SLC24A3: variants seen among roughly 807,000 people sequenced by gnomAD.
SLC24A3 encodes the protein sodium/potassium/calcium exchanger 3.
SLC24A3 carries 28 observed loss-of-function variants against 75.8 expected under a neutral mutation model. The observed-to-expected ratio is 0.37, with a 90% confidence interval of 0.27 to 0.51. The LOEUF is 0.51. Among genes scored for constraint, SLC24A3 ranks in the 20% least tolerant of loss-of-function variants. SLC24A3 has a pLI of 0.94. For missense variants in SLC24A3, 663 were observed against 847.8 expected, an observed-to-expected ratio of 0.78 and a Z score of 2.71; for synonymous variants, 372 against 334.1, an observed-to-expected ratio of 1.11 and a Z score of -1.24.
chr20:19,530,342 G>C (rs1378092931), intron 3 of SLC24A3, among the ~76,000 whole-genome samples: 1 of 152,170 alleles, frequency 6.6e-6, no homozygotes, highest in Non-Finnish European at 1.5e-5. Context: ...GAAATCAACT[G>C]AGTGCCGAGG....
At chr20:19,470,187 T>C (rs565020243) in intron 2 of SLC24A3, among the ~76,000 whole-genome samples, 45 of 152,328 alleles carry the variant, frequency 3.0e-4, no homozygotes, top group South Asian at 1.5e-3. Flanking sequence ...CCCCCAAATG[T>C]TCGTGCAAAT....
intron 2 of SLC24A3, among the ~76,000 whole-genome samples, chr20:19,450,659 C>T (rs1987464834): frequency 6.6e-6 from 1 of 152,170 alleles, no homozygotes; most frequent in African/African-American, 2.4e-5. Flanking sequence ...TGATCACAGC[C>T]TTGTGGGCAC....
chr20:19,281,203 T>G (rs1440920581), intron 2 of SLC24A3, 116 bp downstream of exon 2: 24 of 1,452,356 alleles, frequency 1.7e-5, no homozygotes, highest in Non-Finnish European at 2.1e-5. Flanking sequence ...TCCAAAGATG[T>G]TTAGGATGGG....
chr20:19,320,535 C>G (rs1002679417), intron 2 of SLC24A3, among the ~76,000 whole-genome samples: 1 of 152,030 alleles, frequency 6.6e-6, no homozygotes, highest in African/African-American at 2.4e-5. Context: ...GGGGCTTTAT[C>G]ACATCTGCTT....
intron 1 of SLC24A3, among the ~76,000 whole-genome samples, chr20:19,270,173 A>C (rs78155253): frequency 2.0e-4 from 30 of 152,286 alleles, no homozygotes; most frequent in Non-Finnish European, 4.3e-4. Context: ...CTAGTGACTC[A>C]GATCCTTTCA....
At chr20:19,398,491 G>A (rs1371287934) in intron 2 of SLC24A3, among the ~76,000 whole-genome samples, 7 of 152,058 alleles carry the variant, frequency 4.6e-5, no homozygotes, top group African/African-American at 1.7e-4. Context: ...TTCATTGTTA[G>A]CATTTAAAAA....
chr20:19,391,480 C>A (rs1205944278), intron 2 of SLC24A3, among the ~76,000 whole-genome samples: 1 of 152,152 alleles, frequency 6.6e-6, no homozygotes, highest in Non-Finnish European at 1.5e-5. Flanking sequence ...AAATCTAAAC[C>A]AGTGGATCTC....
intron 2 of SLC24A3, among the ~76,000 whole-genome samples, chr20:19,308,289 T>G (rs1190531079): frequency 1.3e-5 from 2 of 152,248 alleles, no homozygotes; most frequent in Non-Finnish European, 2.9e-5. Flanking sequence ...TTCTTGACTT[T>G]TAGTTTCTTC....
intron 2 of SLC24A3, among the ~76,000 whole-genome samples, chr20:19,407,728 C>A (rs999516051): frequency 5.3e-5 from 8 of 152,188 alleles, no homozygotes; most frequent in Non-Finnish European, 1.2e-4. Flanking sequence ...TTCCCATTCT[C>A]CACCATATTG....
chr20:19,693,234 T>C (rs1462149011), intron 12 of SLC24A3, 25 bp from the exon 13 acceptor site: 1 of 1,592,842 alleles, frequency 6.3e-7, no homozygotes, highest in African/African-American at 1.4e-5. Flanking sequence ...TTTTTATTTC[T>C]TTTTGGCCTT....
chr20:19,426,214 T>C (rs569123385), intron 2 of SLC24A3, among the ~76,000 whole-genome samples: 7 of 152,238 alleles, frequency 4.6e-5, no homozygotes, highest in Non-Finnish European at 1.0e-4. Flanking sequence ...TATATGAATA[T>C]ATTTACTTAT....
intron 2 of SLC24A3, among the ~76,000 whole-genome samples, chr20:19,369,568 A>C (rs189058177): frequency 3.4e-4 from 52 of 152,324 alleles, no homozygotes; most frequent in African/African-American, 1.3e-3. Flanking sequence ...CATAGATTAG[A>C]TAATAGTAGT....
chr20:19,278,165 A>G (rs1191424743), intron 1 of SLC24A3, among the ~76,000 whole-genome samples: 2 of 152,174 alleles, frequency 1.3e-5, no homozygotes, highest in South Asian at 2.1e-4. Context: ...CTGGGGGATT[A>G]TGTCCTCTTT....
chr20:19,676,829 G>A (rs1490605341), intron 9 of SLC24A3, among the ~76,000 whole-genome samples: 1 of 152,190 alleles, frequency 6.6e-6, no homozygotes, highest in African/African-American at 2.4e-5. Flanking sequence ...TTCCCCAGAT[G>A]GGGTATGTGT....
intron 2 of SLC24A3, among the ~76,000 whole-genome samples, chr20:19,400,552 G>A (rs1986534352): frequency 6.6e-6 from 1 of 152,112 alleles, no homozygotes; most frequent in Non-Finnish European, 1.5e-5. Flanking sequence ...TCATCTGTAT[G>A]TGCTGATCAG....
At chr20:19,441,412 G>C (rs1476397245) in intron 2 of SLC24A3, among the ~76,000 whole-genome samples, 1 of 152,134 alleles carries the variant, frequency 6.6e-6, no homozygotes, top group Non-Finnish European at 1.5e-5. Context: ...AGTTAGCATG[G>C]ACTCAATGCA....
At chr20:19,573,584 G>A (rs562854252) in intron 3 of SLC24A3, among the ~76,000 whole-genome samples, 1 of 152,326 alleles carries the variant, frequency 6.6e-6, no homozygotes, top group East Asian at 1.9e-4. Context: ...TACAGAAGGA[G>A]CTGATTTCAG....
chr20:19,595,376 C>A (rs920799825), intron 6 of SLC24A3, among the ~76,000 whole-genome samples: 3 of 152,128 alleles, frequency 2.0e-5, no homozygotes, highest in Admixed American at 2.0e-4. Flanking sequence ...GATATCCTGC[C>A]CTTGATGCAG....
chr20:19,263,004 A>T (rs1267649044), intron 1 of SLC24A3, among the ~76,000 whole-genome samples: 1 of 146,542 alleles, frequency 6.8e-6, no homozygotes, highest in Non-Finnish European at 1.5e-5. Flanking sequence ...TGTTCCTAGA[A>T]TCCCTCGCTC....
Sources: allele counts gnomAD v4.1 joint callset (sites outside exome capture counted in the v4.1 genomes callset), GRCh38; gene constraint gnomAD v4.1.1; transcripts MANE v1.5; gene names NCBI Gene and HGNC (gene_info 2026-07-23, HGNC 2026-07-21).